PARG: variants seen among roughly 807,000 people sequenced by gnomAD.
The protein encoded by PARG is poly(ADP-ribose) glycohydrolase, also known as mitochondrial poly(ADP-ribose) glycohydrolase.
Under a neutral mutation model 113.0 loss-of-function variants are expected in PARG, and 35 were observed. The observed-to-expected ratio is 0.31, with a 90% CI of 0.24 to 0.41. PARG has a LOEUF of 0.41. Ranked by LOEUF, PARG falls within the 10% of genes least tolerant of loss-of-function variation. The probability of loss-of-function intolerance (pLI) is 1.00; values close to 1 mark genes in which losing one functional copy is unlikely to be tolerated. For synonymous variants in PARG, 330 were observed against 409.9 expected (o/e 0.81, Z 2.36); for missense variants, 797 against 1,169.4 (o/e 0.68, Z 4.64).
At position 49,923,648 on chromosome 10, in the gene PARG, C is replaced by T. The variant is rs560730619; in HGVS notation, c.1456-979G>A. Among the ~76,000 whole-genome samples, 157 of 151,970 alleles carry T rather than the reference C, an allele frequency of 1.0e-3. 3 individuals carry two copies. The South Asian group carries it at 0.03, about 29-fold the overall frequency. On this transcript the variant is annotated intron_variant, in intron 4 of 17. Coordinates refer to ENST00000616448, the MANE Select transcript of PARG (RefSeq NM_003631.5). ...GCCTCTGTAAAATAATTGGAAGCAG[C>T]CGGCGCCAGGGAAAGGAGTCACCCA... is the stretch of plus-strand genomic sequence containing the variant.
intron 13 of PARG, among the ~76,000 whole-genome samples, chr10:49,848,030 G>A (rs1470002075): frequency 1.3e-5 from 2 of 152,074 alleles, no homozygotes; most frequent in Non-Finnish European, 2.9e-5. Context: ...CTGTAAGTCT[G>A]AAGTTTCATA....
chr10:49,900,337 CTT>C (rs1198210252), intron 7 of PARG, among the ~76,000 whole-genome samples: 1 of 151,960 alleles, frequency 6.6e-6, no homozygotes, highest in East Asian at 1.9e-4. Context: ...AATTCACAGA[CTT>C]TCTGGATGTG....
intron 4 of PARG, among the ~76,000 whole-genome samples, chr10:49,930,785 A>AGGATCAATTGT (rs1838442795): frequency 7.5e-6 from 1 of 133,004 alleles, no homozygotes; most frequent in Non-Finnish European, 1.6e-5. Flanking sequence ...ATTGTATGTT[A>AGGATCAATTGT]AAAGGGATCA....
intron 1 of PARG, among the ~76,000 whole-genome samples, chr10:49,937,382 A>G (rs1838800647): frequency 6.6e-6 from 1 of 151,892 alleles, no homozygotes; most frequent in African/African-American, 2.4e-5. Flanking sequence ...AGGCTGAGGC[A>G]GGAGAATGGC....
chr10:49,828,431 C>T (rs1844481111), intron 16 of PARG, among the ~76,000 whole-genome samples: 1 of 152,168 alleles, frequency 6.6e-6, no homozygotes, highest in Admixed American at 6.5e-5. Context: ...GGCTCGAAAG[C>T]TTTCACATGA....
intron 15 of PARG, among the ~76,000 whole-genome samples, chr10:49,838,717 A>T (rs1465418194): frequency 6.6e-6 from 1 of 152,172 alleles, no homozygotes; most frequent in East Asian, 1.9e-4. Flanking sequence ...TATCTGTATA[A>T]TTTGAAAAAA....
chr10:49,907,311 T>A (rs1836908590), intron 7 of PARG, among the ~76,000 whole-genome samples: 1 of 152,168 alleles, frequency 6.6e-6, no homozygotes, highest in East Asian at 1.9e-4. Flanking sequence ...TTGTAGTAAA[T>A]CATTACCTGT....
chr10:49,881,415 T>C (rs1847208313), intron 8 of PARG, among the ~76,000 whole-genome samples: 1 of 152,224 alleles, frequency 6.6e-6, no homozygotes, highest in Non-Finnish European at 1.5e-5. Context: ...GACATGCTGA[T>C]AAAATCAAAG....
At chr10:49,894,754 A>G (rs1554842326) in intron 7 of PARG, among the ~76,000 whole-genome samples, 1 of 152,154 alleles carries the variant, frequency 6.6e-6, no homozygotes, top group Non-Finnish European at 1.5e-5. Context: ...TGTCAGTATC[A>G]TATTGTATTC....
chr10:49,890,333 A>C (rs1554841235), intron 7 of PARG, among the ~76,000 whole-genome samples: 1 of 152,204 alleles, frequency 6.6e-6, no homozygotes, highest in East Asian at 1.9e-4. Context: ...AATATATATT[A>C]TACATATATT....
intron 7 of PARG, among the ~76,000 whole-genome samples, chr10:49,895,939 T>A (rs1279404921): frequency 2.0e-5 from 3 of 152,246 alleles, no homozygotes; most frequent in Non-Finnish European, 4.4e-5. Flanking sequence ...ATGATTTTTG[T>A]ATACTGACCT....
At chr10:49,914,557 C>T (rs1161621894) in intron 7 of PARG, among the ~76,000 whole-genome samples, 1 of 152,170 alleles carries the variant, frequency 6.6e-6, no homozygotes, top group African/African-American at 2.4e-5. Context: ...GTAAGAGTTG[C>T]CCTTAGCACC....
intron 12 of PARG, among the ~76,000 whole-genome samples, chr10:49,858,387 T>C (rs1260073520): frequency 1.3e-5 from 2 of 148,288 alleles, no homozygotes; most frequent in African/African-American, 2.5e-5. Context: ...TGTATATACA[T>C]AGTCATACAC....
chr10:49,920,541 C>CACGTATAT (rs1564658670), intron 6 of PARG, among the ~76,000 whole-genome samples: 16 of 123,834 alleles, frequency 1.3e-4, no homozygotes, highest in African/African-American at 4.8e-4. Context: ...TATATATATA[C>CACGTATAT]ACATATATAT....
At chr10:49,901,085 G>A (rs1225166857) in intron 7 of PARG, among the ~76,000 whole-genome samples, 4 of 150,576 alleles carry the variant, frequency 2.7e-5, no homozygotes, top group African/African-American at 9.8e-5. Context: ...ACTCTAAGAA[G>A]TACCCTGAAA....
At chr10:49,896,581 G>C (rs1348225421) in intron 7 of PARG, among the ~76,000 whole-genome samples, 2 of 151,990 alleles carry the variant, frequency 1.3e-5, no homozygotes, top group African/African-American at 4.8e-5. Context: ...CATCACTCCC[G>C]GCCTGCTAAC....
intron 16 of PARG, among the ~76,000 whole-genome samples, chr10:49,831,040 AGATG>A (rs1554830184): frequency 6.6e-6 from 1 of 152,182 alleles, no homozygotes; most frequent in Admixed American, 6.5e-5. Context: ...TACATTTGTT[AGATG>A]GATAGTTGAA....
intron 12 of PARG, among the ~76,000 whole-genome samples, chr10:49,859,843 G>T (rs1247783464): frequency 6.6e-6 from 1 of 152,106 alleles, no homozygotes; most frequent in Non-Finnish European, 1.5e-5. Context: ...ACTTAAAAAA[G>T]TTCTTAACAA....
intron 17 of PARG, among the ~76,000 whole-genome samples, 154 bp downstream of exon 17, chr10:49,820,011 C>G (rs1244158669): frequency 6.6e-6 from 1 of 152,168 alleles, no homozygotes; most frequent in East Asian, 1.9e-4. Context: ...AAAGACTCTG[C>G]AAATGCTGCC....
Sources: allele counts gnomAD v4.1 joint callset (sites outside exome capture counted in the v4.1 genomes callset), GRCh38; gene constraint gnomAD v4.1.1; transcripts MANE v1.5; gene names NCBI Gene and HGNC (gene_info 2026-07-23, HGNC 2026-07-21).